The following CNTN4 variants were observed in gnomAD, a reference collection of about 807,000 sequenced individuals.
CNTN4 encodes contactin-4.
Under a neutral mutation model 122.5 loss-of-function variants are expected in CNTN4, and 77 were observed. That is an observed-to-expected ratio of 0.63 (90% CI 0.52 to 0.76). CNTN4 has a LOEUF of 0.76. CNTN4 is among the 30% of genes least tolerant of loss of function. CNTN4 has a pLI of 0.00. For synonymous variants in CNTN4, 512 were observed against 447.0 expected (o/e 1.15, Z -1.83); for missense variants, 1,256 against 1,259.1 (o/e 1.00, Z 0.04).
chr3:2,669,651 C>T (rs2084385178), intron 4 of CNTN4, among the ~76,000 whole-genome samples: 1 of 152,102 alleles, frequency 6.6e-6, no homozygotes, highest in South Asian at 2.1e-4. Context: ...AATGTGTTTG[C>T]TCTTGCTTCT....
chr3:2,807,749 A>G (rs2092504960), intron 6 of CNTN4, among the ~76,000 whole-genome samples: 2 of 152,130 alleles, frequency 1.3e-5, no homozygotes, highest in Admixed American at 6.5e-5. Context: ...ATAGTTCAAA[A>G]TCCTGAAACT....
At chr3:2,673,542 G>A (rs1425642635) in intron 4 of CNTN4, among the ~76,000 whole-genome samples, 1 of 151,896 alleles carries the variant, frequency 6.6e-6, no homozygotes, top group Non-Finnish European at 1.5e-5. Context: ...TCAGTTTTTT[G>A]TTTTTTGTTT....
chr3:2,280,938 G>A (rs771798101), intron 2 of CNTN4, among the ~76,000 whole-genome samples: 7 of 152,198 alleles, frequency 4.6e-5, no homozygotes, highest in African/African-American at 9.7e-5. Flanking sequence ...AGAAGCAGCC[G>A]TTCGGAGGAG....
At chr3:2,163,837 A>G (rs930455240) in intron 2 of CNTN4, among the ~76,000 whole-genome samples, 8 of 152,224 alleles carry the variant, frequency 5.3e-5, no homozygotes, top group African/African-American at 1.9e-4. Flanking sequence ...TTAAAAAGTC[A>G]AAAAATAATA....
intron 4 of CNTN4, among the ~76,000 whole-genome samples, chr3:2,675,840 T>C (rs1032691125): frequency 2.6e-5 from 4 of 152,208 alleles, no homozygotes; most frequent in African/African-American, 7.2e-5. Flanking sequence ...AAGCCTAATA[T>C]GTCTGTTATC....
rs201133857 is a variant in CNTN4 at position 2,819,496 on chromosome 3, C to T, written c.369C>T (p.Asn123=). 104 of 1,613,866 alleles carry T rather than the reference C, an allele frequency of 6.4e-5. No homozygotes were observed. The highest frequency in any genetic ancestry group is 8.6e-5 in the Non-Finnish European group (102 of 1,179,784). The part of the protein sequence containing the change: ...EAKLQFAYLD[N]FKTRTRSTVS... ...TATTTCTCCCAACAGATCTTGACAA[C>T]TTTAAAACAAGAACAAGAAGCACTG... The change falls in exon 7 of 25, where the codon AAC becomes AAT. Residue 123 remains asparagine, a synonymous_variant. Transcript: ENST00000418658.
At chr3:2,826,428 C>T (rs1009820983) in intron 7 of CNTN4, among the ~76,000 whole-genome samples, 3 of 152,196 alleles carry the variant, frequency 2.0e-5, no homozygotes, top group Non-Finnish European at 4.4e-5. Context: ...ATTATAACCA[C>T]AGCCCTTAAA....
chr3:2,175,694 C>G (rs2036720091), intron 2 of CNTN4, among the ~76,000 whole-genome samples: 1 of 152,108 alleles, frequency 6.6e-6, no homozygotes, highest in Non-Finnish European at 1.5e-5. Context: ...AGGTGGGTCC[C>G]TGTCCCCAAA....
chr3:2,621,749 G>A (rs572834209), intron 4 of CNTN4, among the ~76,000 whole-genome samples: 1 of 152,254 alleles, frequency 6.6e-6, no homozygotes, highest in South Asian at 2.1e-4. Flanking sequence ...AACTTGTACA[G>A]TTGTAAGCAG....
chr3:2,296,453 G>A (rs1685447), intron 2 of CNTN4, among the ~76,000 whole-genome samples: 47,683 of 151,918 alleles, frequency 0.31, 7,987 homozygotes, highest in East Asian at 0.58. Context: ...AATTATTTCA[G>A]TGGAAGTTAC....
At chr3:2,164,563 T>G (rs1192268434) in intron 2 of CNTN4, among the ~76,000 whole-genome samples, 4 of 152,148 alleles carry the variant, frequency 2.6e-5, no homozygotes, top group Non-Finnish European at 4.4e-5. Flanking sequence ...ATAAAAACTT[T>G]TAGACATACC....
rs376612276 is a variant in CNTN4 at position 2,887,144 on chromosome 3, A to T, written c.860A>T (p.Gln287Leu). 65 of 1,614,144 alleles carry T rather than the reference A, an allele frequency of 4.0e-5. 1 individual carries two copies. In the African/African-American group the frequency reaches 8.1e-4, roughly 20 times the overall value. Residue 287 changes from glutamine (Q) to leucine (L), a missense_variant, in exon 10 of 25, where the codon CAG (glutamine) becomes CTG (leucine). By Grantham distance (113) the Gln-to-Leu change is moderately radical. Coordinates refer to ENST00000418658, the MANE Select transcript of CNTN4 (RefSeq NM_175607.3). ...ATTCTTGAGATCCCTAATTTTCAGCAGGAGGATGCTGGTTTATATGAATGT... is the reference window on the plus strand; with the variant it reads ...ATTCTTGAGATCCCTAATTTTCAGCTGGAGGATGCTGGTTTATATGAATGT... ...NGILEIPNFQ[Q>L]EDAGLYECVA...
At chr3:2,254,136 G>A (rs6442722) in intron 2 of CNTN4, among the ~76,000 whole-genome samples, 12,229 of 150,648 alleles carry the variant, frequency 0.081, 789 homozygotes, top group African/African-American at 0.18. Context: ...GAGAACATGC[G>A]GTGTTGGGTT....
intron 2 of CNTN4, among the ~76,000 whole-genome samples, chr3:2,107,863 A>C (rs1017634776): frequency 6.6e-6 from 1 of 152,024 alleles, no homozygotes; most frequent in Non-Finnish European, 1.5e-5. Flanking sequence ...CTTGTAATAC[A>C]TCAGACTTCC....
At chr3:2,637,282 T>C (rs2082702416) in intron 4 of CNTN4, among the ~76,000 whole-genome samples, 2 of 152,096 alleles carry the variant, frequency 1.3e-5, no homozygotes, top group African/African-American at 4.8e-5. Context: ...AACCATTTTT[T>C]TAAATAAGCT....
chr3:2,953,317 T>C (rs1475035762), intron 13 of CNTN4, among the ~76,000 whole-genome samples: 3 of 152,124 alleles, frequency 2.0e-5, no homozygotes, highest in Non-Finnish European at 4.4e-5. Flanking sequence ...GATTGTTAAT[T>C]CTAATGACCA....
chr3:2,886,992 GTC>G, intron 9 of CNTN4, 46 bp from the exon 10 acceptor site: 1 of 1,539,378 alleles, frequency 6.5e-7, no homozygotes, highest in South Asian at 1.1e-5. Context: ...CAGATAAAAG[GTC>G]CAGTTTTCTC....
chr3:2,706,970 A>ATGTGTGTG (rs541975299), intron 4 of CNTN4, among the ~76,000 whole-genome samples: 3 of 151,828 alleles, frequency 2.0e-5, no homozygotes, highest in African/African-American at 7.3e-5. Context: ...GCACTAGATT[A>ATGTGTGTG]TGTGTATGTG....
At chr3:2,916,448 T>A (rs1244295304) in intron 12 of CNTN4, among the ~76,000 whole-genome samples, 1 of 149,738 alleles carries the variant, frequency 6.7e-6, no homozygotes, top group Non-Finnish European at 1.5e-5. Flanking sequence ...ACAAAGCACA[T>A]CTTGCACCGC....
Sources: gnomAD v4.1 joint callset for allele counts (sites outside exome capture counted in the v4.1 genomes callset) on GRCh38, gnomAD v4.1.1 for gene constraint, MANE v1.5 for transcripts, NCBI Gene and HGNC (gene_info 2026-07-23, HGNC 2026-07-21) for gene names.